Variants in RBFOX1 observed in about 807,000 individuals in gnomAD.
The protein encoded by RBFOX1 is RNA binding fox-1 homolog 1, also known as RNA binding protein fox-1 homolog 1.
RBFOX1 carries 8 observed loss-of-function variants against 57.7 expected under a neutral mutation model. That is an observed-to-expected ratio of 0.14 (90% confidence interval 0.08 to 0.25). RBFOX1 has a LOEUF of 0.25. Ranked by LOEUF, RBFOX1 falls within the 10% of genes least tolerant of loss-of-function variation. RBFOX1 has a pLI of 1.00. For missense variants in RBFOX1, 611 were observed against 548.5 expected, an observed-to-expected ratio of 1.11 and a Z score of -1.14; for synonymous variants, 326 against 222.4, an observed-to-expected ratio of 1.47 and a Z score of -4.15.
chr16:5,637,050 A>G (rs1222913866), intron 3 of RBFOX1, among the ~76,000 whole-genome samples: 2 of 152,190 alleles, frequency 1.3e-5, no homozygotes, highest in Non-Finnish European at 2.9e-5. Flanking sequence ...TCATAATGCA[A>G]TATCAGTGTT....
In RBFOX1 at chr16:5,947,832, A is replaced by G. The variant is rs1459090371; in HGVS notation, c.351+80497A>G. Reference sequence around the variant, plus strand: ...ATAATGGAAACCTAAGTTGCTTTTTAAATTTGCTAAAAGTACCTGTTGTAA... The same window carrying G: ...ATAATGGAAACCTAAGTTGCTTTTTGAATTTGCTAAAAGTACCTGTTGTAA... On this transcript the variant is annotated intron_variant, in intron 4 of 19. Coordinates refer to the RBFOX1 transcript ENST00000641259. This position sits in a 1 kb window ranked among gnomAD's most constrained non-coding sequence, Gnocchi z 7.2. Among the ~76,000 whole-genome samples, 1 of 152,234 alleles carries G rather than the reference A, an allele frequency of 6.6e-6. No homozygotes were observed. Among genetic ancestry groups the G allele is most frequent in the East Asian group, 1.9e-4 (1 of 5,204 alleles).
chr16:5,667,633 T>A (rs548161708), intron 3 of RBFOX1, among the ~76,000 whole-genome samples: 3 of 152,356 alleles, frequency 2.0e-5, no homozygotes, highest in African/African-American at 7.2e-5. Context: ...GAACAAACTC[T>A]CTTTGGATTT....
chr16:5,472,868 G>C (rs890114955), intron 2 of RBFOX1, among the ~76,000 whole-genome samples: 2 of 152,218 alleles, frequency 1.3e-5, no homozygotes, highest in African/African-American at 4.8e-5. Context: ...AAGGGTGTCT[G>C]ACTTCCAGAG....
intron 4 of RBFOX1, among the ~76,000 whole-genome samples, chr16:7,252,900 A>T (rs560469146): frequency 1.3e-5 from 2 of 152,128 alleles, no homozygotes; most frequent in Non-Finnish European, 2.9e-5. Flanking sequence ...CAGAGCCGTT[A>T]TCTTAGAGCC....
intron 3 of RBFOX1, among the ~76,000 whole-genome samples, chr16:5,803,355 G>A (rs916819973): frequency 6.6e-6 from 1 of 152,146 alleles, no homozygotes; most frequent in Admixed American, 6.5e-5. Context: ...TGGAAGAGTG[G>A]TAGAGAGATA....
intron 14 of RBFOX1, among the ~76,000 whole-genome samples, chr16:7,677,651 C>G (rs1361088780): frequency 1.3e-5 from 2 of 152,132 alleles, no homozygotes; most frequent in Non-Finnish European, 2.9e-5. Flanking sequence ...GAATGCAACT[C>G]CTTGGCTCTG....
intron 2 of RBFOX1, among the ~76,000 whole-genome samples, chr16:6,542,010 G>A (rs1223530321): frequency 1.3e-5 from 2 of 151,330 alleles, no homozygotes; most frequent in African/African-American, 4.9e-5. Flanking sequence ...GCAGTAGAAT[G>A]ATCATAGCTC....
chr16:6,822,687 T>G (rs964171653), intron 3 of RBFOX1, among the ~76,000 whole-genome samples: 1 of 152,144 alleles, frequency 6.6e-6, no homozygotes, highest in Non-Finnish European at 1.5e-5. Flanking sequence ...TATGGTGTGT[T>G]TTTAAAGATC....
chr16:7,516,419 C>A (rs1373225310), intron 4 of RBFOX1, among the ~76,000 whole-genome samples: 1 of 152,160 alleles, frequency 6.6e-6, no homozygotes, highest in Non-Finnish European at 1.5e-5. Flanking sequence ...GTATCTGCAC[C>A]ATACAGGCTG....
intron 2 of RBFOX1, among the ~76,000 whole-genome samples, chr16:6,478,939 TACA>T (rs978122244): frequency 5.9e-5 from 9 of 152,110 alleles, no homozygotes; most frequent in Non-Finnish European, 1.2e-4. Flanking sequence ...CCAAATGTGA[TACA>T]AAAACATAAA....
At chr16:7,526,390 C>G (rs2078715657) in intron 5 of RBFOX1, among the ~76,000 whole-genome samples, 1 of 152,152 alleles carries the variant, frequency 6.6e-6, no homozygotes, top group African/African-American at 2.4e-5. Context: ...CTGGACTTGA[C>G]AAGATTTGAC....
intron 3 of RBFOX1, among the ~76,000 whole-genome samples, chr16:5,732,623 T>TA (rs575885686): frequency 1.7e-3 from 253 of 152,352 alleles, no homozygotes; most frequent in African/African-American, 5.4e-3. Flanking sequence ...ACTTGTAAGG[T>TA]AAAAAATTCC....
chr16:7,483,939 C>T (rs896290148), intron 4 of RBFOX1, among the ~76,000 whole-genome samples: 5 of 152,206 alleles, frequency 3.3e-5, no homozygotes, highest in African/African-American at 7.2e-5. Context: ...TATACAATCT[C>T]ACAGTCTCCA....
chr16:6,110,283 T>A (rs2096431291), intron 1 of RBFOX1, among the ~76,000 whole-genome samples: 1 of 151,200 alleles, frequency 6.6e-6, no homozygotes, highest in South Asian at 2.1e-4. Context: ...CTTTGCAGCA[T>A]CATCACAATT....
At chr16:5,732,790 C>T (rs563260579) in intron 3 of RBFOX1, among the ~76,000 whole-genome samples, 2 of 152,214 alleles carry the variant, frequency 1.3e-5, no homozygotes, top group Admixed American at 6.5e-5. Context: ...AGAACAAAGC[C>T]GGGCTTGTTC....
intron 1 of RBFOX1, among the ~76,000 whole-genome samples, chr16:6,254,803 A>T (rs991233798): frequency 2.6e-5 from 4 of 152,138 alleles, no homozygotes; most frequent in Non-Finnish European, 5.9e-5. Context: ...AGGAAATTCA[A>T]TTCATTATTT....
intron 2 of RBFOX1, among the ~76,000 whole-genome samples, chr16:6,412,184 C>T (rs1204070268): frequency 1.3e-5 from 2 of 150,878 alleles, no homozygotes; most frequent in Non-Finnish European, 3.0e-5. Flanking sequence ...GGCCCTTTCA[C>T]AGTAGTCAAA....
intron 9 of RBFOX1, among the ~76,000 whole-genome samples, chr16:7,597,707 G>C (rs545051916): frequency 1.3e-5 from 2 of 152,308 alleles, no homozygotes; most frequent in South Asian, 2.1e-4. Context: ...AAATTAGTTT[G>C]CTAATTTCAT....
At chr16:5,535,799 A>G (rs993483391) in intron 2 of RBFOX1, among the ~76,000 whole-genome samples, 3 of 152,244 alleles carry the variant, frequency 2.0e-5, no homozygotes, top group African/African-American at 7.2e-5. Context: ...GTATGTCACC[A>G]GGTTTCACCA....
Sources: allele counts gnomAD v4.1 joint callset (sites outside exome capture counted in the v4.1 genomes callset), GRCh38; gene constraint gnomAD v4.1.1; non-coding constraint Gnocchi (gnomAD v3.1); transcripts MANE v1.5; gene names NCBI Gene and HGNC (gene_info 2026-07-23, HGNC 2026-07-21).